Variants in MLLT10 observed in about 807,000 individuals in gnomAD.
MLLT10 encodes the protein protein AF-10.
MLLT10 carries 30 observed loss-of-function variants against 129.1 expected under a neutral mutation model. The observed-to-expected ratio is 0.23, with a 90% CI of 0.17 to 0.32. The LOEUF (loss-of-function observed/expected upper bound fraction) is 0.32. MLLT10 is among the 10% of genes least tolerant of loss of function. The pLI is 1.00. For synonymous variants in MLLT10, 490 were observed against 446.4 expected (o/e 1.10, Z -1.23); for missense variants, 1,119 against 1,268.3 (o/e 0.88, Z 1.79).
At chr10:21,615,740 A>G (rs946424468) in intron 7 of MLLT10, among the ~76,000 whole-genome samples, 8 of 152,078 alleles carry the variant, frequency 5.3e-5, no homozygotes, top group African/African-American at 1.9e-4. Flanking sequence ...CCTTCAGAAA[A>G]ATATATTTAA....
Position 21,631,773 on chromosome 10 carries a change from A to C in MLLT10, c.699+14566A>C, listed in dbSNP as rs116541914. On this transcript the variant is annotated intron_variant, in intron 8 of 22. Transcript: ENST00000307729. The stretch of plus-strand genomic sequence containing the variant: ...AGGGGGAAGTCTGCCCCCATGATTC[A>C]GTCACCCCACCATCAGGTTCCCCCC... Among the ~76,000 whole-genome samples the C allele has an allele frequency of 9.0e-3, 1,370 of 152,208 alleles. 15 individuals carry two copies. Among genetic ancestry groups the C allele is most frequent in the African/African-American group, 0.031 (1,283 of 41,526 alleles).
intron 14 of MLLT10, among the ~76,000 whole-genome samples, chr10:21,720,013 A>G (rs1466942111): frequency 6.6e-6 from 1 of 152,196 alleles, no homozygotes; most frequent in Non-Finnish European, 1.5e-5. Flanking sequence ...CCTTTGTCCT[A>G]CAGTAATTTT....
At position 21,717,202 on chromosome 10, in the gene MLLT10, A is replaced by G. The variant is rs935139725; in HGVS notation, c.1878+3252A>G. ...TGGGAGGCAGAGGTTGCGGTGAGCC[A>G]AGATCACGCCATTGCGCTCCAGCCT... On this transcript the variant is annotated intron_variant, in intron 14 of 22. Coordinates refer to ENST00000307729, the MANE Select transcript of MLLT10 (RefSeq NM_001195626.3). Among the ~76,000 whole-genome samples the G allele has an allele frequency of 7.4e-5, 11 of 148,752 alleles. No homozygotes were observed. In the South Asian group the frequency reaches 1.1e-3, roughly 15 times the overall value.
chr10:21,646,019 A>G (rs1004715640), intron 8 of MLLT10, among the ~76,000 whole-genome samples: 3 of 152,134 alleles, frequency 2.0e-5, no homozygotes, highest in African/African-American at 4.8e-5. Flanking sequence ...AGCCTGGCCA[A>G]CATGATGAAA....
intron 3 of MLLT10, among the ~76,000 whole-genome samples, chr10:21,565,309 G>GT (rs1375521607): frequency 2.0e-5 from 3 of 151,768 alleles, no homozygotes; most frequent in Admixed American, 6.6e-5. Flanking sequence ...TGTTTTCTTT[G>GT]TTTTTTGTGT....
chr10:21,684,846 G>T (rs1021494617), intron 13 of MLLT10, among the ~76,000 whole-genome samples: 6 of 152,128 alleles, frequency 3.9e-5, no homozygotes, highest in Non-Finnish European at 7.3e-5. Context: ...ATCAATAGAA[G>T]CTACTTGTAG....
chr10:21,588,177 C>T (rs191862741), intron 4 of MLLT10, among the ~76,000 whole-genome samples: 1 of 152,304 alleles, frequency 6.6e-6, no homozygotes, highest in East Asian at 1.9e-4. Context: ...AGCGATTCTC[C>T]TGCCTCAGCC....
At chr10:21,713,343 C>G (rs1293331161) in intron 13 of MLLT10, among the ~76,000 whole-genome samples, 4 of 152,218 alleles carry the variant, frequency 2.6e-5, no homozygotes, top group Non-Finnish European at 5.9e-5. Flanking sequence ...CTTTCTAGAA[C>G]AAGGTCTCTT....
intron 2 of MLLT10, among the ~76,000 whole-genome samples, chr10:21,538,416 GCC>G (rs2034481138): frequency 2.0e-5 from 3 of 152,032 alleles, no homozygotes; most frequent in Admixed American, 1.3e-4. Context: ...GCCTGTCTCA[GCC>G]TCCCAAAGTG....
intron 7 of MLLT10, among the ~76,000 whole-genome samples, chr10:21,615,495 A>G (rs1018292393): frequency 4.0e-5 from 6 of 150,808 alleles, no homozygotes; most frequent in Non-Finnish European, 8.9e-5. Flanking sequence ...AAGAAAATAT[A>G]TAAATATTGA....
intron 4 of MLLT10, among the ~76,000 whole-genome samples, chr10:21,589,075 C>G (rs1277771758): frequency 6.6e-6 from 1 of 152,034 alleles, no homozygotes. Flanking sequence ...CCATGCCCAG[C>G]CACAATTGTT....
intron 9 of MLLT10, among the ~76,000 whole-genome samples, chr10:21,665,270 G>T (rs1235496508): frequency 7.6e-6 from 1 of 132,430 alleles, no homozygotes; most frequent in African/African-American, 2.9e-5. Flanking sequence ...CTTAAAATAG[G>T]CTTCTTTTTT....
intron 3 of MLLT10, among the ~76,000 whole-genome samples, chr10:21,545,932 G>T (rs1224931381): frequency 6.6e-6 from 1 of 152,102 alleles, no homozygotes; most frequent in Non-Finnish European, 1.5e-5. Context: ...CTCCTAAAGT[G>T]TTGGGATTTC....
intron 8 of MLLT10, among the ~76,000 whole-genome samples, chr10:21,644,705 G>A (rs1426107136): frequency 6.6e-6 from 1 of 152,124 alleles, no homozygotes; most frequent in Admixed American, 6.6e-5. Context: ...GCAGTGGCAT[G>A]ATCATGGCTC....
chr10:21,727,779 G>GA (rs2057636177), intron 15 of MLLT10, 77 bp from the exon 16 acceptor site: 2 of 1,134,818 alleles, frequency 1.8e-6, no homozygotes. Context: ...TATGTTTTAG[G>GA]AAAAATCAGG....
chr10:21,629,245 A>G (rs914172660), intron 8 of MLLT10, among the ~76,000 whole-genome samples: 1 of 151,954 alleles, frequency 6.6e-6, no homozygotes, highest in African/African-American at 2.4e-5. Flanking sequence ...GTCACACGGT[A>G]TCATTTTCTT....
chr10:21,617,092 A>G lies in MLLT10; in HGVS notation c.604-20A>G, dbSNP rs778420581. The G allele has an allele frequency of 7.3e-6, 9 of 1,231,262 alleles. No individual in the cohort carries two copies. The East Asian group carries it at 1.8e-4, about 24-fold the overall frequency. The allele number at this position is 1,231,262 out of a possible 1,614,324, so 76.3% of individuals were successfully genotyped here. A position where few individuals can be genotyped will look rare whatever the true frequency, so the allele number is the denominator to read the frequency against. On this transcript the variant is annotated intron_variant, in intron 7 of 22. Transcript: ENST00000307729. The stretch of plus-strand genomic sequence containing the variant: ...GTTTTATATACATATACATATATGT[A>G]TATATATTTTCTTTTTTAGAAAAAG...
At position 21,740,183 on chromosome 10, in the gene MLLT10, A is replaced by G. The variant is rs1184540841; in HGVS notation, c.3109A>G (p.Thr1037Ala). ...ACAGGCACCCCCACTTCACACAGCT[A>G]CCACCAACCCATTTCTCACCATCCA... ...GTQAPPLHTA[T>A]TNPFLTIHGD... The change falls in exon 22 of 23, where the codon ACC (threonine) becomes GCC (alanine). Residue 1037 changes from threonine to alanine, a missense_variant. By Grantham distance (58) the Thr-to-Ala change is moderately conservative (BLOSUM62 0). Transcript: ENST00000307729. The G allele has an allele frequency of 2.5e-6, 4 of 1,614,218 alleles. No homozygotes were observed. Among genetic ancestry groups the G allele is most frequent in the South Asian group, 1.1e-5 (1 of 91,090 alleles).
intron 3 of MLLT10, among the ~76,000 whole-genome samples, chr10:21,561,713 C>A (rs2038832554): frequency 6.6e-6 from 1 of 152,204 alleles, no homozygotes; most frequent in Non-Finnish European, 1.5e-5. Flanking sequence ...CTGAATGATA[C>A]TGGCACTTTT....
Sources: gnomAD v4.1 joint callset for allele counts (sites outside exome capture counted in the v4.1 genomes callset) on GRCh38, gnomAD v4.1.1 for gene constraint, MANE v1.5 for transcripts, NCBI Gene and HGNC (gene_info 2026-07-23, HGNC 2026-07-21) for gene names.